KNDC1: variants seen among roughly 807,000 people sequenced by gnomAD.
KNDC1 encodes kinase non-catalytic C-lobe domain-containing protein 1.
A neutral mutation model predicts 172.8 loss-of-function variants in KNDC1; 106 were observed. The observed-to-expected ratio is 0.61, with a 90% confidence interval of 0.52 to 0.72. The LOEUF is 0.72. Among genes scored for constraint, KNDC1 ranks in the 30% least tolerant of loss-of-function variants. The probability of loss-of-function intolerance (pLI) is 0.00; values close to 1 mark genes in which losing one functional copy is unlikely to be tolerated. For synonymous variants in KNDC1, 1,083 were observed against 1,062.2 expected (o/e 1.02, Z -0.38); for missense variants, 2,325 against 2,394.5 (o/e 0.97, Z 0.61).
At chr10:133,201,411 T>A in intron 16 of KNDC1, 90 bp from the exon 17 acceptor site, 1 of 1,378,616 alleles carries the variant, frequency 7.3e-7, no homozygotes, top group East Asian at 2.3e-5. Flanking sequence ...GCGTCGGGTG[T>A]GCAAGCACCA....
intron 1 of KNDC1, among the ~76,000 whole-genome samples, chr10:133,164,535 A>G (rs1853084584): frequency 6.6e-6 from 1 of 152,204 alleles, no homozygotes; most frequent in Non-Finnish European, 1.5e-5. Flanking sequence ...CGGCGTTGCT[A>G]TTCACAGCAC....
rs776648690 is a variant in KNDC1, at chr10:133,199,587, C to T, written c.2888C>T (p.Ala963Val). 4.3e-6 allele frequency: 7 copies of T among 1,613,482 alleles called. No homozygotes were observed. The highest frequency in any genetic ancestry group is 3.3e-4 in the Middle Eastern group (2 of 5,996). ...CTCTTTAAGGTGGTCAACGGGCAGG[C>T]GTCACCCTCCCCAAGGTGGGTGCCC... is the stretch of plus-strand genomic sequence containing the variant. ...QNLFKVVNGQ[A>V]SPSPSTAEEA... The change falls in exon 15 of 30, where the codon GCG (alanine) becomes GTG (valine). Residue 963 changes from alanine (A) to valine (V), a missense_variant. Transcript: ENST00000304613.
At chr10:133,197,158 C>A in intron 11 of KNDC1, 23 bp downstream of exon 11, 2 of 1,588,402 alleles carry the variant, frequency 1.3e-6, no homozygotes, top group Non-Finnish European at 1.7e-6. Context: ...AGCCAGGCCG[C>A]CGCCTCCTCC....
chr10:133,200,926 GC>G (rs1854346005), intron 16 of KNDC1, among the ~76,000 whole-genome samples: 1 of 152,214 alleles, frequency 6.6e-6, no homozygotes, highest in Admixed American at 6.5e-5. Flanking sequence ...CCAGCGTCCA[GC>G]CAGCAGGCTT....
intron 12 of KNDC1, 42 bp from the exon 13 acceptor site, chr10:133,198,295 G>A (rs1168190274): frequency 6.6e-7 from 1 of 1,506,436 alleles, no homozygotes; most frequent in Non-Finnish European, 8.9e-7. Context: ...ACGTGCTGGG[G>A]CCACTCCGCC....
At chr10:133,213,332 C>T (rs1845409678) in intron 24 of KNDC1, among the ~76,000 whole-genome samples, 1 of 152,246 alleles carries the variant, frequency 6.6e-6, no homozygotes, top group Non-Finnish European at 1.5e-5. Flanking sequence ...GCCGCCACCA[C>T]AGCCAGCCCT....
In KNDC1 at chr10:133,200,419, C is replaced by T. The variant is rs35474034; in HGVS notation, c.2948C>T (p.Pro983Leu). ...TCACAGCTCGAGGGCAGCCAAAGCC[C>T]CCGCTCCCCGTCCAGCAAGAGGCCG... Reference protein sequence around the residue: ...AGSQLEGSQSPRSPSSKRPSL... With the variant: ...AGSQLEGSQSLRSPSSKRPSL... The change falls in exon 16 of 30, where the codon CCC (proline) becomes CTC (leucine). Residue 983 changes from proline to leucine, a missense_variant. By Grantham distance (98) the Pro-to-Leu change is moderately conservative. Transcript: ENST00000304613. 758 of 1,598,482 alleles carry T rather than the reference C, an allele frequency of 4.7e-4. 6 individuals carry two copies. In the African/African-American group the frequency reaches 9.1e-3, roughly 19 times the overall value.
intron 9 of KNDC1, among the ~76,000 whole-genome samples, chr10:133,193,065 AAGAG>A (rs1023791616): frequency 6.2e-5 from 9 of 144,374 alleles, no homozygotes; most frequent in South Asian, 2.3e-4. Flanking sequence ...AAAAAACAAA[AAGAG>A]AGAGAAACAG....
intron 3 of KNDC1, among the ~76,000 whole-genome samples, chr10:133,175,683 T>A (rs1591228151): frequency 6.8e-6 from 1 of 147,650 alleles, no homozygotes; most frequent in Admixed American, 6.7e-5. Context: ...GGTAGGTGGG[T>A]GGATGGGTGG....
At chr10:133,164,822 G>A (rs1210950510) in intron 1 of KNDC1, among the ~76,000 whole-genome samples, 1 of 152,198 alleles carries the variant, frequency 6.6e-6, no homozygotes, top group Non-Finnish European at 1.5e-5. Flanking sequence ...GGATGTGGCG[G>A]GGGGAGCCCA....
Position 133,224,551 on chromosome 10 carries a change from GAA to G in KNDC1, c.5019-105_5019-104del, listed in dbSNP as rs1845681215. The G allele has an allele frequency of 9.0e-6, 7 of 775,628 alleles. No individual in the cohort carries two copies. The highest frequency in any genetic ancestry group is 1.5e-5 in the Non-Finnish European group (7 of 476,826). The allele number at this position is 775,628 out of a possible 1,614,324, so 48.0% of individuals were successfully genotyped here. A position where few individuals can be genotyped will look rare whatever the true frequency, so the allele number is the denominator to read the frequency against. On this transcript the variant is annotated intron_variant, in intron 29 of 29. Coordinates refer to ENST00000304613, the MANE Select transcript of KNDC1 (RefSeq NM_152643.8). This position sits in a 1 kb window ranked among gnomAD's most constrained non-coding sequence, Gnocchi z 5.4. ...ACCCACCCTTCAGAATTTACACGGT[GAA>G]AAGATTTAGTCCAAATGATTCCTAA...
chr10:133,226,233 T>A lies in KNDC1; in HGVS notation c.*1343T>A, dbSNP rs1487902647. 6.6e-6 allele frequency: 1 copy of A among 152,224 alleles called. No individual in the cohort carries two copies. Among genetic ancestry groups the A allele is most frequent in the African/African-American group, 2.4e-5 (1 of 41,454 alleles). 9.4% of individuals were successfully genotyped at this position (152,224 alleles called of 1,614,324 possible). ...TTTAGGCTTTTATATGGATTATGTT[T>A]TGCTGACCCACGCCCGCATTTTCAG... On this transcript the variant is annotated 3_prime_UTR_variant, in exon 30 of 30. Coordinates refer to ENST00000304613, the MANE Select transcript of KNDC1 (RefSeq NM_152643.8).
chr10:133,187,909 C>T (rs1395183691), intron 6 of KNDC1, among the ~76,000 whole-genome samples: 1 of 150,798 alleles, frequency 6.6e-6, no homozygotes. Flanking sequence ...CACCCCGTCC[C>T]GCCCTCCACC....
Position 133,224,739 on chromosome 10 carries a change from C to T in KNDC1, c.5099C>T (p.Ser1700Leu), listed in dbSNP as rs1331639413. ...TTCAGCCCCGACCCCAAGCTCCAGT[C>T]GTACCTCAAGCAGAGGATTGCCCGC... ...YTFSPDPKLQ[S>L]YLKQRIARFS... Residue 1700 changes from serine to leucine, a missense_variant, in exon 30 of 30, where the codon TCG (serine) becomes TTG (leucine). Transcript: ENST00000304613. This position sits in a 1 kb window ranked among gnomAD's most constrained non-coding sequence, Gnocchi z 5.4. 1.9e-6 allele frequency: 3 copies of T among 1,614,066 alleles called. No individual in the cohort carries two copies. Among genetic ancestry groups the T allele is most frequent in the East Asian group, 2.2e-5 (1 of 44,874 alleles).
intron 3 of KNDC1, among the ~76,000 whole-genome samples, chr10:133,177,835 GTGCA>G (rs1853591525): frequency 6.6e-6 from 1 of 151,890 alleles, no homozygotes; most frequent in Non-Finnish European, 1.5e-5. Context: ...TAATGTGTGC[GTGCA>G]TGCATGTAGT....
At chr10:133,205,633 A>G (rs1363168655) in intron 17 of KNDC1, among the ~76,000 whole-genome samples, 1 of 152,252 alleles carries the variant, frequency 6.6e-6, no homozygotes, top group African/African-American at 2.4e-5. Context: ...CCTCGTCTGC[A>G]CAGGCCAGCT....
rs1376086756 is a variant in KNDC1 at position 133,199,421 on chromosome 10, C to T, written c.2759-37C>T. The stretch of plus-strand genomic sequence containing the variant: ...AAGGGAACCAGATGAGCAGCCCTGC[C>T]ACCATCTCACTTGTCTCCATCGTTT... On this transcript the variant is annotated intron_variant, in intron 14 of 29. Coordinates refer to ENST00000304613, the MANE Select transcript of KNDC1 (RefSeq NM_152643.8). 6 of 1,606,298 alleles carry T rather than the reference C, an allele frequency of 3.7e-6. No homozygotes were observed. In the East Asian group the frequency reaches 1.1e-4, roughly 30 times the overall value.
intron 5 of KNDC1, among the ~76,000 whole-genome samples, chr10:133,185,238 A>AGGCAGTGTGTGCAGTGTGGAG (rs1853856899): frequency 1.2e-4 from 6 of 50,218 alleles, no homozygotes; most frequent in Admixed American, 2.1e-4. Context: ...GCAGTGTGGA[A>AGGCAGTGTGTGCAGTGTGGAG]TAGGCAGTGT....
chr10:133,169,587 G>A (rs919875862), intron 3 of KNDC1, among the ~76,000 whole-genome samples: 4 of 152,264 alleles, frequency 2.6e-5, no homozygotes, highest in Non-Finnish European at 5.9e-5. Flanking sequence ...TCTGCTGCGG[G>A]GGTCCTACAT....
Sources: allele counts gnomAD v4.1 joint callset (sites outside exome capture counted in the v4.1 genomes callset), GRCh38; gene constraint gnomAD v4.1.1; non-coding constraint Gnocchi (gnomAD v3.1); transcripts MANE v1.5; gene names NCBI Gene and HGNC (gene_info 2026-07-23, HGNC 2026-07-21).